ABCD2: variants seen among roughly 807,000 people sequenced by gnomAD.
ABCD2 encodes ATP-binding cassette sub-family D member 2.
ABCD2 carries 36 observed loss-of-function variants against 70.9 expected under a neutral mutation model. The ratio of observed to expected loss-of-function variants is 0.51; its 90% CI spans 0.39 to 0.67. The LOEUF is 0.67. ABCD2 is among the 30% of genes least tolerant of loss of function. The pLI is 0.00. For missense variants in ABCD2, 729 were observed against 890.2 expected, an observed-to-expected ratio of 0.82 and a Z score of 2.30; for synonymous variants, 304 against 306.9, an observed-to-expected ratio of 0.99 and a Z score of 0.10.
At chr12:39,582,581 A>T (rs1941610681) in intron 7 of ABCD2, among the ~76,000 whole-genome samples, 1 of 152,234 alleles carries the variant, frequency 6.6e-6, no homozygotes, top group Non-Finnish European at 1.5e-5. Flanking sequence ...TCCTCAAAAT[A>T]ACTTGCCCAA....
At chr12:39,603,017 C>CA (rs1429582997) in intron 5 of ABCD2, among the ~76,000 whole-genome samples, 1 of 152,040 alleles carries the variant, frequency 6.6e-6, no homozygotes, top group Non-Finnish European at 1.5e-5. Context: ...AAAGTCTGAC[C>CA]AAATTGCAGC....
intron 9 of ABCD2, among the ~76,000 whole-genome samples, chr12:39,562,468 A>T (rs966437884): frequency 6.6e-6 from 1 of 152,086 alleles, no homozygotes; most frequent in African/African-American, 2.4e-5. Flanking sequence ...AAGAAAGAAG[A>T]TTCAAATAAA....
chr12:39,546,178 T>A (rs567735174), downstream of ABCD2, among the ~76,000 whole-genome samples: 27 of 152,308 alleles, frequency 1.8e-4, no homozygotes, highest in African/African-American at 6.0e-4. Flanking sequence ...TTTTACCTAA[T>A]AATGTGGGTT....
chr12:39,575,519 C>T (rs1941504286), intron 8 of ABCD2, among the ~76,000 whole-genome samples: 1 of 152,156 alleles, frequency 6.6e-6, no homozygotes, highest in African/African-American at 2.4e-5. Context: ...TTTAATCTAT[C>T]CCCTTAAGAC....
chr12:39,573,105 T>G (rs1941470429), intron 9 of ABCD2, among the ~76,000 whole-genome samples: 1 of 152,144 alleles, frequency 6.6e-6, no homozygotes, highest in African/African-American at 2.4e-5. Flanking sequence ...TTAAATAAGA[T>G]GTACCTGGAA....
intron 8 of ABCD2, 26 bp downstream of exon 8, chr12:39,579,509 T>C (rs1339130629): frequency 6.5e-7 from 1 of 1,546,750 alleles, no homozygotes; most frequent in Admixed American, 1.7e-5. Context: ...AATGGCCTAG[T>C]AGTTACCTGA....
chr12:39,568,871 T>C (rs1941402174), intron 9 of ABCD2, among the ~76,000 whole-genome samples: 1 of 152,220 alleles, frequency 6.6e-6, no homozygotes, highest in South Asian at 2.1e-4. Context: ...TGCAGGTCTG[T>C]TGGAGTTTGC....
At position 39,592,290 on chromosome 12, in the gene ABCD2, C is replaced by A. The variant is rs142705891; in HGVS notation, c.1647-5993G>T. On this transcript the variant is annotated intron_variant, in intron 6 of 9. Transcript: ENST00000308666. ...GACATGTTAAATGACAGATATTTAT[C>A]CCCATCATAAAGAGAATTTTGCAAC... Among the ~76,000 whole-genome samples, 295 of 152,270 alleles carry A rather than the reference C, an allele frequency of 1.9e-3. 4 individuals are homozygous for A. Among genetic ancestry groups the A allele is most frequent in the African/African-American group, 6.0e-3 (251 of 41,556 alleles).
At chr12:39,534,869 A>C in the ABCD2 span, among the ~76,000 whole-genome samples, 2 of 143,964 alleles carry the variant, frequency 1.4e-5, no homozygotes, top group Non-Finnish European at 3.0e-5. Context: ...AAAGAAAGAA[A>C]AGGAAGGAAG....
the ABCD2 span, among the ~76,000 whole-genome samples, chr12:39,534,754 A>AAGAAAG: frequency 0.036 from 3,430 of 95,396 alleles, 70 homozygotes; most frequent in East Asian, 0.087. Flanking sequence ...GAAGGAAAGA[A>AAGAAAG]AGAAAGAGAA....
Position 39,600,736 on chromosome 12 carries a change from T to C in ABCD2, c.1501-20A>G, listed in dbSNP as rs1213865395. 2.5e-6 allele frequency: 4 copies of C among 1,580,532 alleles called. No individual in the cohort carries two copies. The highest frequency in any genetic ancestry group is 3.4e-6 in the Non-Finnish European group (4 of 1,159,962). ...TTCTACCTAAAGTAAGAAATAAAAT[T>C]ACAAACTGCAATAGTTTAAAATGAT... On this transcript the variant is annotated intron_variant, in intron 5 of 9. Transcript: ENST00000308666.
intron 9 of ABCD2, among the ~76,000 whole-genome samples, chr12:39,559,276 G>A (rs1941215836): frequency 6.6e-6 from 1 of 151,084 alleles, no homozygotes; most frequent in South Asian, 2.1e-4. Flanking sequence ...GGATGCTGAG[G>A]CAGGGCAGGA....
At chr12:39,590,980 C>A (rs1309615856) in intron 6 of ABCD2, among the ~76,000 whole-genome samples, 1 of 151,816 alleles carries the variant, frequency 6.6e-6, no homozygotes, top group African/African-American at 2.4e-5. Context: ...GGCCTATATG[C>A]AGAGAAAACA....
chr12:39,600,848 A>G lies in ABCD2; in HGVS notation c.1501-132T>C, dbSNP rs577287879. On this transcript the variant is annotated intron_variant, in intron 5 of 9. Coordinates refer to ENST00000308666, the MANE Select transcript of ABCD2 (RefSeq NM_005164.4). Reference sequence around the variant, plus strand: ...AGGTTGGGCAAAAGATCAAGGAAAAATATTTCAGGGTTGAGAACAAGTTTG... The same window carrying G: ...AGGTTGGGCAAAAGATCAAGGAAAAGTATTTCAGGGTTGAGAACAAGTTTG... 186 of 767,046 alleles carry G rather than the reference A, an allele frequency of 2.4e-4. 2 individuals are homozygous for G. The South Asian group carries it at 3.4e-3, about 14-fold the overall frequency. 47.5% of individuals were successfully genotyped at this position (767,046 alleles called of 1,614,324 possible).
At chr12:39,545,579 A>G (rs1941018228), downstream of ABCD2, among the ~76,000 whole-genome samples, 2 of 152,230 alleles carry the variant, frequency 1.3e-5, no homozygotes, top group South Asian at 4.1e-4. Context: ...GCCGATACCT[A>G]AGGCTGGTGG....
At chr12:39,584,305 T>G (rs1489331888) in intron 7 of ABCD2, among the ~76,000 whole-genome samples, 1 of 152,224 alleles carries the variant, frequency 6.6e-6, no homozygotes, top group Non-Finnish European at 1.5e-5. Context: ...GTTGGCTGCA[T>G]GTATGTCTTC....
At chr12:39,593,046 G>A (rs765018447) in intron 6 of ABCD2, among the ~76,000 whole-genome samples, 15 of 152,088 alleles carry the variant, frequency 9.9e-5, no homozygotes, top group Non-Finnish European at 1.8e-4. Context: ...CCTCCATAGA[G>A]AAAAGAGGCA....
chr12:39,616,471 G>A (rs1460438453), intron 2 of ABCD2, among the ~76,000 whole-genome samples: 1 of 151,992 alleles, frequency 6.6e-6, no homozygotes, highest in African/African-American at 2.4e-5. Context: ...ACAAGCAGAG[G>A]AGCCCTTATT....
At chr12:39,597,747 T>G (rs180881063) in intron 6 of ABCD2, among the ~76,000 whole-genome samples, 68 of 152,338 alleles carry the variant, frequency 4.5e-4, no homozygotes, top group African/African-American at 1.6e-3. Flanking sequence ...TTAATCTACA[T>G]TTTGATGAAA....
Sources: gnomAD v4.1 joint callset for allele counts (sites outside exome capture counted in the v4.1 genomes callset) on GRCh38, gnomAD v4.1.1 for gene constraint, MANE v1.5 for transcripts, NCBI Gene and HGNC (gene_info 2026-07-23, HGNC 2026-07-21) for gene names.